TOP2A: variants seen among roughly 807,000 people sequenced by gnomAD.
TOP2A encodes the protein DNA topoisomerase 2-alpha.
Under a neutral mutation model 187.2 loss-of-function variants are expected in TOP2A, and 68 were observed. The ratio of observed to expected loss-of-function variants is 0.36; its 90% CI spans 0.30 to 0.44. TOP2A has a LOEUF of 0.44. TOP2A is among the 20% of genes least tolerant of loss of function. The pLI, the probability that TOP2A is intolerant of heterozygous loss-of-function variation, is 1.00. For synonymous variants in TOP2A, 542 were observed against 593.2 expected, an observed-to-expected ratio of 0.91 and a Z score of 1.25; for missense variants, 1,196 against 1,808.7, an observed-to-expected ratio of 0.66 and a Z score of 6.14.
At chr17:40,390,350 G>A (rs1279018370) in intron 33 of TOP2A, among the ~76,000 whole-genome samples, 186 bp from the exon 34 acceptor site, 2 of 151,712 alleles carry the variant, frequency 1.3e-5, no homozygotes, top group African/African-American at 2.4e-5. Context: ...CACCACACCC[G>A]GCTAATTTTT....
rs1227580068 is a variant in TOP2A at position 40,389,632 on chromosome 17, T to C, written c.4483A>G (p.Ser1495Gly). The C allele has an allele frequency of 1.2e-6, 2 of 1,610,140 alleles. No individual in the cohort carries two copies. The highest frequency in any genetic ancestry group is 1.7e-6 in the Non-Finnish European group (2 of 1,178,254). Reference protein sequence around the residue: ...AVTSKKSKGESDDFHMDFDSA... With the variant: ...AVTSKKSKGEGDDFHMDFDSA... Reference sequence around the variant, plus strand: ...TCAAAGTCCATATGGAAGTCATCACTCTCCCCCTTGGATTTCTAAAAGAGA... The same window carrying C: ...TCAAAGTCCATATGGAAGTCATCACCCTCCCCCTTGGATTTCTAAAAGAGA... The change falls in exon 35 of 35, where the codon AGT (serine) becomes GGT (glycine). Residue 1495 changes from serine (S) to glycine (G), a missense_variant. Coordinates refer to ENST00000423485, the MANE Select transcript of TOP2A (RefSeq NM_001067.4).
rs2035277656 is a variant in TOP2A at position 40,408,625 on chromosome 17, A to C, written c.1209T>G (p.Ile403Met). The stretch of plus-strand genomic sequence containing the variant: ...GTATGCTTTCTACAATACCACAGCC[A>C]ATGGCCTGAAAACGAGAAGATTCAT... Reference protein sequence around the residue: ...QLSEKFIKAAIGCGIVESILN... With the variant: ...QLSEKFIKAAMGCGIVESILN... Residue 403 changes from isoleucine to methionine, a missense_variant, in exon 11 of 35, where the codon ATT (isoleucine) becomes ATG (methionine). Around this residue, in one of 10 missense-constraint regions of TOP2A, gnomAD observed 252 missense variants for 434.8 expected, o/e 0.58. Coordinates refer to ENST00000423485, the MANE Select transcript of TOP2A (RefSeq NM_001067.4). The C allele has an allele frequency of 6.2e-7, 1 of 1,613,846 alleles. No individual in the cohort carries two copies.
At chr17:40,399,786 C>T in intron 24 of TOP2A, 86 bp downstream of exon 24, 2 of 1,205,806 alleles carry the variant, frequency 1.7e-6, no homozygotes, top group Non-Finnish European at 2.3e-6. Flanking sequence ...TTGCCTCTTT[C>T]TCCACCATTA....
chr17:40,403,739 T>G (rs1404560827), intron 19 of TOP2A, among the ~76,000 whole-genome samples: 1 of 152,196 alleles, frequency 6.6e-6, no homozygotes, highest in Non-Finnish European at 1.5e-5. Context: ...CTTGTAGACA[T>G]TTTTAGTTAT....
chr17:40,401,284 G>A (rs1311560275), intron 20 of TOP2A, among the ~76,000 whole-genome samples: 1 of 152,212 alleles, frequency 6.6e-6, no homozygotes, highest in African/African-American at 2.4e-5. Flanking sequence ...TCACAGTCCA[G>A]TAGAAGTTTG....
At chr17:40,413,171 G>T in intron 6 of TOP2A, 24 bp downstream of exon 6, 1 of 1,494,242 alleles carries the variant, frequency 6.7e-7, no homozygotes, top group Non-Finnish European at 9.1e-7. Flanking sequence ...TTATCATTAA[G>T]GTACAAGACA....
chr17:40,400,113 T>C (rs968563593), intron 23 of TOP2A, 46 bp from the exon 24 acceptor site: 1 of 1,590,944 alleles, frequency 6.3e-7, no homozygotes, highest in African/African-American at 1.4e-5. Flanking sequence ...ACAAATTGGC[T>C]AAACTTTATA....
intron 19 of TOP2A, among the ~76,000 whole-genome samples, chr17:40,403,634 T>C (rs1449987882): frequency 6.6e-6 from 1 of 152,212 alleles, no homozygotes; most frequent in African/African-American, 2.4e-5. Context: ...CACAAAACAT[T>C]GGTGTAAAGT....
intron 20 of TOP2A, among the ~76,000 whole-genome samples, chr17:40,401,739 T>C (rs2143651581): frequency 6.6e-6 from 1 of 151,398 alleles, no homozygotes; most frequent in African/African-American, 2.4e-5. Flanking sequence ...AAAAACAAAC[T>C]GAGGGACTGA....
chr17:40,407,441 A>G, intron 13 of TOP2A, 108 bp downstream of exon 13: 1 of 878,764 alleles, frequency 1.1e-6, no homozygotes, highest in Non-Finnish European at 1.7e-6. Context: ...GAGATGATGA[A>G]TAAAGCTCCT....
At chr17:40,406,781 TGAG>T in intron 14 of TOP2A, 48 bp downstream of exon 14, 1 of 1,579,700 alleles carries the variant, frequency 6.3e-7, no homozygotes, top group East Asian at 2.2e-5. Flanking sequence ...TATCCAGGTT[TGAG>T]GAGTAGGGTC....
At chr17:40,398,431 G>T in intron 27 of TOP2A, 127 bp downstream of exon 27, 1 of 828,090 alleles carries the variant, frequency 1.2e-6, no homozygotes, top group Non-Finnish European at 1.8e-6. Flanking sequence ...TACGCTATTT[G>T]GAATTTATCC....
At chr17:40,395,919 T>G (rs796733914) in intron 28 of TOP2A, among the ~76,000 whole-genome samples, 21 of 152,216 alleles carry the variant, frequency 1.4e-4, no homozygotes, top group African/African-American at 4.6e-4. Flanking sequence ...TTATACATTT[T>G]TTTTTCAATT....
At position 40,398,867 on chromosome 17, in the gene TOP2A, T is replaced by C; in HGVS notation, c.3359A>G (p.Asp1120Gly). ...AAGATAGTTGAAGGTTGGTCCAGAA[T>C]CTGTTACGGAGTCACTCTTTTCAGT... Reference protein sequence around the residue: ...KETEKSDSVTDSGPTFNYLLD... With the variant: ...KETEKSDSVTGSGPTFNYLLD... Residue 1120 changes from aspartate (D) to glycine (G), a missense_variant, in exon 26 of 35, where the codon GAT (aspartate) becomes GGT (glycine). Around this residue, in one of 10 missense-constraint regions of TOP2A, gnomAD observed 232 missense variants for 306.1 expected, o/e 0.76. Transcript: ENST00000423485. 6.2e-7 allele frequency: 1 copy of C among 1,613,888 alleles called. No individual in the cohort carries two copies. The highest frequency in any genetic ancestry group is 8.5e-7 in the Non-Finnish European group (1 of 1,179,836).
Position 40,398,629 on chromosome 17 carries a change from C to T in TOP2A, c.3466G>A (p.Asp1156Asn), listed in dbSNP as rs1490533058. The stretch of plus-strand genomic sequence containing the variant: ...GATGGACTCTTTCTTTTTAATGTGT[C>T]CAGCTCTTGTTCCTTCATAAGATAA... ...RLRNEKEQEL[D>N]TLKRKSPSDL... The change falls in exon 27 of 35, where the codon GAC becomes AAC. Residue 1156 changes from aspartate to asparagine, a missense_variant. By Grantham distance (23) the Asp-to-Asn change is conservative. Coordinates refer to ENST00000423485, the MANE Select transcript of TOP2A (RefSeq NM_001067.4). 1 of 1,597,166 alleles carries T rather than the reference C, an allele frequency of 6.3e-7. No individual in the cohort carries two copies. Among genetic ancestry groups the T allele is most frequent in the South Asian group, 1.1e-5 (1 of 89,070 alleles).
In TOP2A at chr17:40,389,979, C is replaced by T. The variant is rs1351969590; in HGVS notation, c.4453G>A (p.Ala1485Thr). ...DSNFEKIVSKAVTSKKSKGES... is the reference protein window; with the variant it reads ...DSNFEKIVSKTVTSKKSKGES... The stretch of plus-strand genomic sequence containing the variant: ...TCAACACTCACCTTGCTTGTGACTG[C>T]TTTCGAAACAATTTTCTCAAAATTA... The change falls in exon 34 of 35, where the codon GCA becomes ACA. Residue 1485 changes from alanine (A) to threonine (T), a missense_variant. By Grantham distance (58) the Ala-to-Thr change is moderately conservative. Coordinates refer to ENST00000423485, the MANE Select transcript of TOP2A (RefSeq NM_001067.4). 1 of 1,613,076 alleles carries T rather than the reference C, an allele frequency of 6.2e-7. No individual in the cohort carries two copies. Among genetic ancestry groups the T allele is most frequent in the Non-Finnish European group, 8.5e-7 (1 of 1,179,538 alleles).
At chr17:40,417,063 G>A (rs548104850) in intron 1 of TOP2A, among the ~76,000 whole-genome samples, 168 bp from the exon 2 acceptor site, 3 of 152,270 alleles carry the variant, frequency 2.0e-5, no homozygotes, top group African/African-American at 7.2e-5. Flanking sequence ...TAAATTCGCT[G>A]CGGCCAGGTC....
chr17:40,396,412 C>T lies in TOP2A; in HGVS notation c.3591G>A (p.Gly1197=), dbSNP rs182551266. Residue 1197 remains glycine, a synonymous_variant, in exon 28 of 35, where the codon GGG becomes GGA. Coordinates refer to ENST00000423485, the MANE Select transcript of TOP2A (RefSeq NM_001067.4). The stretch of plus-strand genomic sequence containing the variant: ...GTGTTTTTTTCCCCTTGGCCTTCCC[C>T]CCTTTCCCAGGAAGTCCGACTTGTT... ...QDEQVGLPGK[G]GKAKGKKTQM... 1 of 1,613,796 alleles carries T rather than the reference C, an allele frequency of 6.2e-7. No homozygotes were observed. The highest frequency in any genetic ancestry group is 1.3e-5 in the African/African-American group (1 of 74,910).
intron 17 of TOP2A, 124 bp downstream of exon 17, chr17:40,404,667 G>T: frequency 1.3e-6 from 1 of 764,174 alleles, no homozygotes; most frequent in Non-Finnish European, 2.2e-6. Context: ...TTTAACTGCT[G>T]CACAACTCTA....
Sources: gnomAD v4.1 joint callset for allele counts (sites outside exome capture counted in the v4.1 genomes callset) on GRCh38, gnomAD v4.1.1 for gene constraint, gnomAD v4.1.1 regional missense constraint, MANE v1.5 for transcripts, NCBI Gene and HGNC (gene_info 2026-07-23, HGNC 2026-07-21) for gene names.